Variants in CSMD1 observed in about 807,000 individuals in gnomAD.
The protein encoded by CSMD1 is CUB and Sushi multiple domains 1.
In CSMD1, 213 loss-of-function variants were observed where a neutral mutation model predicts 417.5. The observed-to-expected ratio is 0.51, with a 90% CI of 0.46 to 0.57. The LOEUF is 0.57. CSMD1 is among the 20% of genes least tolerant of loss of function. The pLI is 0.00. For missense variants in CSMD1, 6,923 were observed against 4,529.7 expected, an observed-to-expected ratio of 1.53 and a Z score of -15.17; for synonymous variants, 2,862 against 1,736.8, an observed-to-expected ratio of 1.65 and a Z score of -16.11.
intron 3 of CSMD1, among the ~76,000 whole-genome samples, chr8:4,073,500 T>C (rs1799665645): frequency 6.6e-6 from 1 of 152,188 alleles, no homozygotes; most frequent in African/African-American, 2.4e-5. Flanking sequence ...TCATCCAATA[T>C]TCTTTCAGAG....
At chr8:4,733,886 T>C (rs1182359582) in intron 1 of CSMD1, among the ~76,000 whole-genome samples, 1 of 152,200 alleles carries the variant, frequency 6.6e-6, no homozygotes, top group Non-Finnish European at 1.5e-5. Context: ...TTGACCTGGG[T>C]AGCTTTTTGA....
chr8:3,888,883 A>T (rs944388863), intron 5 of CSMD1, among the ~76,000 whole-genome samples: 8 of 152,108 alleles, frequency 5.3e-5, no homozygotes, highest in African/African-American at 1.7e-4. Context: ...CTTCAATATC[A>T]ATGATGATTT....
chr8:2,982,747 T>A (rs982441969), intron 54 of CSMD1, among the ~76,000 whole-genome samples: 7 of 152,196 alleles, frequency 4.6e-5, no homozygotes, highest in African/African-American at 1.7e-4. Flanking sequence ...GTGCTCCACA[T>A]CCTCGCTTCT....
chr8:4,496,233 A>T (rs1801971159), intron 2 of CSMD1, among the ~76,000 whole-genome samples: 1 of 152,198 alleles, frequency 6.6e-6, no homozygotes, highest in Non-Finnish European at 1.5e-5. Context: ...GAAAAAAACA[A>T]CCTGAGTTTT....
At chr8:3,294,852 C>A (rs1240086814) in intron 25 of CSMD1, among the ~76,000 whole-genome samples, 1 of 152,108 alleles carries the variant, frequency 6.6e-6, no homozygotes, top group Non-Finnish European at 1.5e-5. Flanking sequence ...TTCCGACACT[C>A]CCCAGTGAGA....
intron 10 of CSMD1, among the ~76,000 whole-genome samples, chr8:3,499,210 C>G (rs1164771427): frequency 6.6e-6 from 1 of 152,128 alleles, no homozygotes; most frequent in African/African-American, 2.4e-5. Flanking sequence ...GGTTTGTATT[C>G]TGCATGAGTA....
chr8:3,788,119 T>C (rs1303141090), intron 5 of CSMD1, among the ~76,000 whole-genome samples: 3 of 152,216 alleles, frequency 2.0e-5, no homozygotes, highest in Non-Finnish European at 2.9e-5. Flanking sequence ...TAAAATTTTC[T>C]TTAAAATATT....
At chr8:4,521,256 G>A (rs1342714343) in intron 2 of CSMD1, among the ~76,000 whole-genome samples, 2 of 152,080 alleles carry the variant, frequency 1.3e-5, no homozygotes, top group Non-Finnish European at 2.9e-5. Flanking sequence ...ATAGTGTCAT[G>A]GGGTCAAGAC....
intron 4 of CSMD1, among the ~76,000 whole-genome samples, chr8:4,019,051 G>C (rs745701434): frequency 6.6e-6 from 1 of 152,152 alleles, no homozygotes; most frequent in East Asian, 1.9e-4. Flanking sequence ...ATCGCTTTGA[G>C]ACAGATGCTA....
chr8:3,920,093 G>A (rs962120398), intron 5 of CSMD1, among the ~76,000 whole-genome samples: 1 of 151,932 alleles, frequency 6.6e-6, no homozygotes, highest in Non-Finnish European at 1.5e-5. Context: ...GACTGCAGTG[G>A]TGCAATCATA....
chr8:3,369,403 T>A, intron 18 of CSMD1, 33 bp from the exon 19 acceptor site: 3 of 1,001,950 alleles, frequency 3.0e-6, no homozygotes, highest in Non-Finnish European at 4.7e-6. Context: ...ATTACAGCAC[T>A]AAAGTTTCAC....
At chr8:3,764,445 C>A (rs1243547130) in intron 5 of CSMD1, among the ~76,000 whole-genome samples, 1 of 152,166 alleles carries the variant, frequency 6.6e-6, no homozygotes, top group South Asian at 2.1e-4. Flanking sequence ...TTACTGGGCC[C>A]TGAAGACATG....
At chr8:4,910,379 T>G (rs562694584) in intron 1 of CSMD1, among the ~76,000 whole-genome samples, 1 of 152,230 alleles carries the variant, frequency 6.6e-6, no homozygotes, top group Non-Finnish European at 1.5e-5. Flanking sequence ...TACTATAAAC[T>G]GGATTGCTTA....
chr8:3,470,900 C>T (rs1299836935), intron 11 of CSMD1, among the ~76,000 whole-genome samples: 1 of 152,148 alleles, frequency 6.6e-6, no homozygotes, highest in East Asian at 1.9e-4. Context: ...GGATATACCA[C>T]AGCTTGCTTA....
intron 2 of CSMD1, among the ~76,000 whole-genome samples, chr8:4,637,090 T>C (rs2724976): frequency 0.73 from 111,349 of 151,680 alleles, 41,156 homozygotes; most frequent in Admixed American, 0.82. Context: ...TCTCCCTTGC[T>C]GTGCTGTGGA....
chr8:2,947,359 A>T (rs1802318480), intron 68 of CSMD1, among the ~76,000 whole-genome samples: 1 of 152,232 alleles, frequency 6.6e-6, no homozygotes, highest in African/African-American at 2.4e-5. Flanking sequence ...ATAAAAATAG[A>T]TGCTTGCCAT....
intron 2 of CSMD1, among the ~76,000 whole-genome samples, chr8:4,508,801 T>A (rs559064780): frequency 6.6e-6 from 1 of 152,312 alleles, no homozygotes; most frequent in Non-Finnish European, 1.5e-5. Flanking sequence ...CCAGTCATAA[T>A]ATGTCTACTA....
At chr8:4,099,939 A>C (rs771598701) in intron 3 of CSMD1, among the ~76,000 whole-genome samples, 3 of 152,228 alleles carry the variant, frequency 2.0e-5, no homozygotes, top group African/African-American at 7.2e-5. Context: ...CAACAACAAT[A>C]GTGAATAAAA....
chr8:3,479,095 G>A (rs979029382), intron 11 of CSMD1, among the ~76,000 whole-genome samples: 3 of 151,974 alleles, frequency 2.0e-5, no homozygotes, highest in Non-Finnish European at 2.9e-5. Flanking sequence ...GAGACTCCTT[G>A]GGCACTAAAG....
Sources: allele counts gnomAD v4.1 joint callset (sites outside exome capture counted in the v4.1 genomes callset), GRCh38; gene constraint gnomAD v4.1.1; transcripts MANE v1.5; gene names NCBI Gene and HGNC (gene_info 2026-07-23, HGNC 2026-07-21).